Variants in OXSR1 observed in about 807,000 individuals in gnomAD.
OXSR1 encodes the protein serine/threonine-protein kinase OSR1.
In OXSR1, 24 loss-of-function variants were observed where a neutral mutation model predicts 79.8. The observed-to-expected ratio is 0.30, with a 90% confidence interval of 0.22 to 0.42. OXSR1 has a LOEUF of 0.42. Among genes scored for constraint, OXSR1 ranks in the 10% least tolerant of loss-of-function variants. The probability of loss-of-function intolerance (pLI) is 1.00; values close to 1 mark genes in which losing one functional copy is unlikely to be tolerated. For missense variants in OXSR1, 430 were observed against 618.4 expected (o/e 0.70, Z 3.23); for synonymous variants, 226 against 209.2 (o/e 1.08, Z -0.69).
intron 7 of OXSR1, among the ~76,000 whole-genome samples, chr3:38,224,122 C>G (rs1450953305): frequency 2.0e-5 from 3 of 152,162 alleles, no homozygotes; most frequent in African/African-American, 7.2e-5. Flanking sequence ...TATCCAAACT[C>G]TTCATTTTAA....
chr3:38,180,978 A>G (rs988146718), intron 1 of OXSR1, among the ~76,000 whole-genome samples: 3 of 152,254 alleles, frequency 2.0e-5, no homozygotes, highest in South Asian at 4.1e-4. Context: ...TAACATCTGC[A>G]AAGTCCTTTT....
intron 7 of OXSR1, among the ~76,000 whole-genome samples, chr3:38,224,361 T>C (rs1417182377): frequency 1.3e-5 from 2 of 152,244 alleles, no homozygotes; most frequent in East Asian, 3.8e-4. Flanking sequence ...ATTGCGTGTG[T>C]GTGTTGAGAA....
chr3:38,239,250 C>T (rs1351924376), intron 11 of OXSR1, among the ~76,000 whole-genome samples: 1 of 151,996 alleles, frequency 6.6e-6, no homozygotes, highest in Non-Finnish European at 1.5e-5. Context: ...GTTAGTTATT[C>T]TCTTCATTAT....
intron 3 of OXSR1, among the ~76,000 whole-genome samples, chr3:38,192,976 C>T (rs1702009681): frequency 6.6e-6 from 1 of 152,200 alleles, no homozygotes; most frequent in Non-Finnish European, 1.5e-5. Flanking sequence ...CATACTTCCC[C>T]AGAGAGACTA....
At position 38,165,957 on chromosome 3, in the gene OXSR1, G is replaced by A; in HGVS notation, c.70+11G>A. The A allele has an allele frequency of 6.2e-7, 1 of 1,608,166 alleles. No individual in the cohort carries two copies. Among genetic ancestry groups the A allele is most frequent in the Non-Finnish European group, 8.5e-7 (1 of 1,177,716 alleles). On this transcript the variant is annotated intron_variant, in intron 1 of 17. Transcript: ENST00000311806. ...TGCAGGAGGTGATCGGTGAGAGCAG[G>A]CGCTGCGGAGGGGGGAGGCGCGGCG...
At chr3:38,238,058 C>G (rs1008719802) in intron 11 of OXSR1, among the ~76,000 whole-genome samples, 10 of 151,994 alleles carry the variant, frequency 6.6e-5, no homozygotes, top group South Asian at 2.1e-4. Flanking sequence ...AATTATTACT[C>G]TCTAGCTATC....
chr3:38,239,190 C>G (rs1399575514), intron 11 of OXSR1, among the ~76,000 whole-genome samples: 2 of 152,010 alleles, frequency 1.3e-5, no homozygotes, highest in Non-Finnish European at 2.9e-5. Context: ...TTTTAACATC[C>G]TTCTCTTCTA....
chr3:38,212,764 C>T (rs1559514620), intron 4 of OXSR1, among the ~76,000 whole-genome samples: 2 of 152,206 alleles, frequency 1.3e-5, no homozygotes, highest in Non-Finnish European at 2.9e-5. Flanking sequence ...CTTCTTGCTA[C>T]TTAAGAGTGG....
At chr3:38,250,809 C>CT (rs1305664350) in intron 15 of OXSR1, among the ~76,000 whole-genome samples, 6 of 152,196 alleles carry the variant, frequency 3.9e-5, no homozygotes, top group Non-Finnish European at 5.9e-5. Context: ...TGTGTGGACA[C>CT]TGTCTCCACC....
intron 2 of OXSR1, among the ~76,000 whole-genome samples, chr3:38,187,812 C>T (rs1701910892): frequency 6.6e-6 from 1 of 152,022 alleles, no homozygotes; most frequent in African/African-American, 2.4e-5. Flanking sequence ...TCTCAAACTC[C>T]TGGGCTTAAG....
At chr3:38,168,815 T>C (rs960546376) in intron 1 of OXSR1, among the ~76,000 whole-genome samples, 1 of 152,238 alleles carries the variant, frequency 6.6e-6, no homozygotes, top group African/African-American at 2.4e-5. Context: ...ATAATGCTTT[T>C]TGAGGTTCAT....
chr3:38,210,553 A>G (rs1356002961), intron 4 of OXSR1, among the ~76,000 whole-genome samples: 1 of 152,000 alleles, frequency 6.6e-6, no homozygotes, highest in Non-Finnish European at 1.5e-5. Context: ...ATCCAAGTGT[A>G]TGAGTCTCCC....
chr3:38,196,759 G>A (rs35077770), intron 3 of OXSR1, among the ~76,000 whole-genome samples: 33 of 152,188 alleles, frequency 2.2e-4, no homozygotes, highest in African/African-American at 7.5e-4. Flanking sequence ...TACCAGACTA[G>A]AAGTTCCCTT....
intron 2 of OXSR1, among the ~76,000 whole-genome samples, chr3:38,188,264 C>T (rs543421070): frequency 1.3e-5 from 2 of 152,288 alleles, no homozygotes; most frequent in Admixed American, 1.3e-4. Flanking sequence ...CTTTCCTTCA[C>T]CTTCCCTATC....
At chr3:38,193,759 A>G (rs1702026221) in intron 3 of OXSR1, among the ~76,000 whole-genome samples, 1 of 151,948 alleles carries the variant, frequency 6.6e-6, no homozygotes, top group Admixed American at 6.6e-5. Flanking sequence ...CTGGGACATT[A>G]CCCAATTTTT....
At chr3:38,169,921 G>T (rs1559497688) in intron 1 of OXSR1, among the ~76,000 whole-genome samples, 1 of 151,728 alleles carries the variant, frequency 6.6e-6, no homozygotes, top group Non-Finnish European at 1.5e-5. Context: ...GTAGAAACTG[G>T]GTTTCGCCAC....
At chr3:38,249,572 T>C (rs1703213788) in intron 14 of OXSR1, among the ~76,000 whole-genome samples, 1 of 152,134 alleles carries the variant, frequency 6.6e-6, no homozygotes, top group Admixed American at 6.6e-5. Flanking sequence ...AGGCAATGAA[T>C]TGTGGGCATG....
chr3:38,249,870 A>T lies in OXSR1; in HGVS notation c.1323-96A>T, dbSNP rs9826840. On this transcript the variant is annotated intron_variant, in intron 14 of 17. Coordinates refer to ENST00000311806, the MANE Select transcript of OXSR1 (RefSeq NM_005109.3). ...CATATGATCTATGGGAACAAAACAG[A>T]CTTTCTTGAGGCACAGCTTTCTTAA... 4.0e-3 allele frequency: 3,103 copies of T among 771,586 alleles called. 77 individuals carry two copies. In the African/African-American group the frequency reaches 0.049, roughly 12 times the overall value. The allele number at this position is 771,586 out of a possible 1,614,324, so 47.8% of individuals were successfully genotyped here.
At chr3:38,193,407 T>C (rs1294138886) in intron 3 of OXSR1, 4 of 1,287,322 alleles carry the variant, frequency 3.1e-6, no homozygotes, top group Non-Finnish European at 4.1e-6. Context: ...TGGAGAGATA[T>C]GGGAGTATTA....
Sources: allele counts gnomAD v4.1 joint callset (sites outside exome capture counted in the v4.1 genomes callset), GRCh38; gene constraint gnomAD v4.1.1; transcripts MANE v1.5; gene names NCBI Gene and HGNC (gene_info 2026-07-23, HGNC 2026-07-21).